Variants in ABAT observed in about 807,000 individuals in gnomAD.
The protein encoded by ABAT is 4-aminobutyrate aminotransferase, mitochondrial.
Under a neutral mutation model 64.6 loss-of-function variants are expected in ABAT, and 45 were observed. The ratio of observed to expected loss-of-function variants is 0.70; its 90% CI spans 0.55 to 0.89. The LOEUF (loss-of-function observed/expected upper bound fraction) is 0.89. Among genes scored for constraint, ABAT ranks in the 40% least tolerant of loss-of-function variants. The pLI is 0.00. For missense variants in ABAT, 633 were observed against 658.4 expected (o/e 0.96, Z 0.42); for synonymous variants, 297 against 250.5 (o/e 1.19, Z -1.75).
chr16:8,690,549 A>G (rs367838582), intron 1 of ABAT, among the ~76,000 whole-genome samples: 12 of 152,356 alleles, frequency 7.9e-5, no homozygotes, highest in African/African-American at 2.6e-4. Context: ...TACGTACAGA[A>G]TGACAACATT....
chr16:8,688,808 T>C (rs2141962318), intron 1 of ABAT, among the ~76,000 whole-genome samples: 1 of 152,352 alleles, frequency 6.6e-6, no homozygotes, highest in East Asian at 1.9e-4. Flanking sequence ...CTGGGCATGG[T>C]ATCTCACACC....
chr16:8,759,316 G>A (rs2059731820), intron 6 of ABAT, among the ~76,000 whole-genome samples: 1 of 151,746 alleles, frequency 6.6e-6, no homozygotes, highest in African/African-American at 2.4e-5. Context: ...TACATATGGA[G>A]TGTATCTGTG....
At position 8,777,866 on chromosome 16, in the gene ABAT, AC is replaced by A. The variant is rs138457785; in HGVS notation, c.1269+1377del. ...AGGGGCTCATGCCTGTAACCCCAGT[AC>A]TTAGGGAGGCAGAAGCAGGAGGATT... On this transcript the variant is annotated intron_variant, in intron 14 of 15. Coordinates refer to ENST00000268251, the MANE Select transcript of ABAT (RefSeq NM_020686.6). Among the ~76,000 whole-genome samples the A allele has an allele frequency of 7.1e-3, 1,087 of 152,298 alleles. 11 individuals carry two copies. The highest frequency in any genetic ancestry group is 0.025 in the African/African-American group (1,048 of 41,566).
At chr16:8,674,828 C>G (rs942193141) in intron 1 of ABAT, 117 bp downstream of exon 1, 3 of 152,346 alleles carry the variant, frequency 2.0e-5, no homozygotes, top group Non-Finnish European at 4.4e-5. Flanking sequence ...AAACGGAGCC[C>G]TCATCTTCCC....
chr16:8,775,544 T>C (rs1310781088), intron 13 of ABAT, among the ~76,000 whole-genome samples: 1 of 127,692 alleles, frequency 7.8e-6, no homozygotes, highest in Non-Finnish European at 1.6e-5. Context: ...CACTGTGTAC[T>C]GCCATGTGTG....
chr16:8,684,338 C>T (rs1283905391), intron 1 of ABAT, among the ~76,000 whole-genome samples: 4 of 152,050 alleles, frequency 2.6e-5, no homozygotes, highest in African/African-American at 7.2e-5. Flanking sequence ...TTTGAGAGGC[C>T]GAGGTGGGTG....
intron 2 of ABAT, among the ~76,000 whole-genome samples, chr16:8,739,448 T>A (rs1408762779): frequency 6.6e-6 from 1 of 152,216 alleles, no homozygotes; most frequent in African/African-American, 2.4e-5. Flanking sequence ...CCAGGCACAG[T>A]GGCCCACACC....
Position 8,768,809 on chromosome 16 carries a change from GT to G in ABAT, c.668-12del. ...CCCCAAGCCAAGCGTCTGCTTTTCTGTTTTGCTGAACTCAGGTTGCTTAGCG... is the reference window on the plus strand; with the variant it reads ...CCCCAAGCCAAGCGTCTGCTTTTCTGTTTGCTGAACTCAGGTTGCTTAGCG... On this transcript the variant is annotated splice_polypyrimidine_tract_variant and intron_variant, in intron 10 of 15. Transcript: ENST00000268251. 6.2e-7 allele frequency: 1 copy of G among 1,614,072 alleles called. No individual in the cohort carries two copies. The highest frequency in any genetic ancestry group is 1.7e-5 in the Admixed American group (1 of 60,018).
At chr16:8,694,002 A>G (rs2057643689) in intron 1 of ABAT, among the ~76,000 whole-genome samples, 1 of 151,756 alleles carries the variant, frequency 6.6e-6, no homozygotes, top group Non-Finnish European at 1.5e-5. Context: ...ATCCATTTTA[A>G]TTTTAATTTT....
At chr16:8,711,438 G>A (rs1158605577) in intron 1 of ABAT, among the ~76,000 whole-genome samples, 1 of 152,180 alleles carries the variant, frequency 6.6e-6, no homozygotes, top group African/African-American at 2.4e-5. Flanking sequence ...GAAGATAACA[G>A]GAAGGAGGAA....
chr16:8,709,935 C>A (rs1236403710), intron 1 of ABAT, among the ~76,000 whole-genome samples: 1 of 151,904 alleles, frequency 6.6e-6, no homozygotes, highest in African/African-American at 2.4e-5. Context: ...GCCTGAGTAG[C>A]TGGGACTACA....
intron 3 of ABAT, among the ~76,000 whole-genome samples, chr16:8,746,426 G>A (rs1215429062): frequency 3.3e-5 from 5 of 151,946 alleles, no homozygotes; most frequent in Admixed American, 3.3e-4. Context: ...GATGGCGGTT[G>A]CCTGTAGTCC....
chr16:8,686,883 C>G (rs1389102093), intron 1 of ABAT, among the ~76,000 whole-genome samples: 1 of 152,198 alleles, frequency 6.6e-6, no homozygotes, highest in Non-Finnish European at 1.5e-5. Context: ...TGAATATGAA[C>G]TGATGGTATG....
chr16:8,714,834 G>C (rs1037674731), intron 1 of ABAT: 3 of 152,364 alleles, frequency 2.0e-5, no homozygotes. Context: ...AGTTCAAATA[G>C]GAACAGACCC....
At chr16:8,678,079 A>G (rs926447131) in intron 1 of ABAT, among the ~76,000 whole-genome samples, 2 of 152,050 alleles carry the variant, frequency 1.3e-5, no homozygotes, top group African/African-American at 4.8e-5. Flanking sequence ...ACAAAATAAA[A>G]ACCAAAAACA....
chr16:8,745,809 T>A (rs1449434078), intron 2 of ABAT, among the ~76,000 whole-genome samples, 192 bp from the exon 3 acceptor site: 1 of 152,226 alleles, frequency 6.6e-6, no homozygotes, highest in Non-Finnish European at 1.5e-5. Flanking sequence ...GGGTTTTCCC[T>A]TTTTTAAAAT....
intron 1 of ABAT, among the ~76,000 whole-genome samples, chr16:8,711,094 G>A (rs767556438): frequency 1.3e-5 from 2 of 152,178 alleles, no homozygotes; most frequent in Non-Finnish European, 2.9e-5. Context: ...ATTCCTTCAA[G>A]TAGAATTATG....
chr16:8,769,105 A>G, intron 11 of ABAT, 132 bp downstream of exon 11: 1 of 1,241,674 alleles, frequency 8.1e-7, no homozygotes, highest in African/African-American at 1.5e-5. Flanking sequence ...AGAGGGAAGC[A>G]GGGACACAGA....
At chr16:8,761,691 G>A (rs755877802) in intron 6 of ABAT, among the ~76,000 whole-genome samples, 1 of 152,218 alleles carries the variant, frequency 6.6e-6, no homozygotes, top group Non-Finnish European at 1.5e-5. Context: ...CATGCCCAGG[G>A]CAGTAGGCCG....
Sources: allele counts gnomAD v4.1 joint callset (sites outside exome capture counted in the v4.1 genomes callset), GRCh38; gene constraint gnomAD v4.1.1; transcripts MANE v1.5; gene names NCBI Gene and HGNC (gene_info 2026-07-23, HGNC 2026-07-21).